Variants in MACROD2 observed in about 807,000 individuals in gnomAD.
MACROD2 encodes the protein ADP-ribose glycohydrolase MACROD2.
In MACROD2, 36 loss-of-function variants were observed where a neutral mutation model predicts 70.4. The observed-to-expected ratio is 0.51, with a 90% confidence interval of 0.39 to 0.68. The LOEUF is 0.68. MACROD2 is among the 30% of genes least tolerant of loss of function. The probability of loss-of-function intolerance (pLI) is 0.00; values close to 1 mark genes in which losing one functional copy is unlikely to be tolerated. For synonymous variants in MACROD2, 172 were observed against 178.8 expected (o/e 0.96, Z 0.30); for missense variants, 496 against 538.4 (o/e 0.92, Z 0.78).
intron 3 of MACROD2, among the ~76,000 whole-genome samples, chr20:14,242,776 A>G (rs910002301): frequency 6.6e-6 from 1 of 152,218 alleles, no homozygotes; most frequent in South Asian, 2.1e-4. Flanking sequence ...GCAAATAAAA[A>G]CAATGTAAAA....
intron 3 of MACROD2, among the ~76,000 whole-genome samples, chr20:14,260,363 T>G (rs2122308805): frequency 6.6e-6 from 1 of 152,312 alleles, no homozygotes; most frequent in Non-Finnish European, 1.5e-5. Context: ...ATAGGATTTC[T>G]CAGTGCAAAA....
At chr20:14,118,308 G>C (rs995293984) in intron 3 of MACROD2, among the ~76,000 whole-genome samples, 1 of 152,104 alleles carries the variant, frequency 6.6e-6, no homozygotes, top group Non-Finnish European at 1.5e-5. Flanking sequence ...CATTAAACAG[G>C]GTATTGTTGG....
At chr20:15,914,199 G>C (rs907578949) in intron 10 of MACROD2, among the ~76,000 whole-genome samples, 2 of 152,182 alleles carry the variant, frequency 1.3e-5, no homozygotes, top group African/African-American at 4.8e-5. Context: ...CCTTTTCCTG[G>C]ACAGAGAATC....
At chr20:14,258,941 T>C (rs893851730) in intron 3 of MACROD2, among the ~76,000 whole-genome samples, 4 of 152,184 alleles carry the variant, frequency 2.6e-5, no homozygotes, top group Non-Finnish European at 5.9e-5. Context: ...AATTAGTTAA[T>C]TTATTAATTT....
At chr20:14,376,613 G>A (rs1256962767) in intron 3 of MACROD2, among the ~76,000 whole-genome samples, 1 of 151,980 alleles carries the variant, frequency 6.6e-6, no homozygotes, top group African/African-American at 2.4e-5. Context: ...AGCCAGGCAT[G>A]GTGGCATGTG....
rs190432117 is a variant in MACROD2, at chr20:15,962,440, G to A, written c.908-5113G>A. 2.1e-3 allele frequency among the ~76,000 whole-genome samples: 323 copies of A among 152,284 alleles called. 2 individuals are homozygous for A. The highest frequency in any genetic ancestry group is 0.016 in the Admixed American group (250 of 15,296). On this transcript the variant is annotated intron_variant, in intron 12 of 17. Coordinates refer to ENST00000684519, the MANE Select transcript of MACROD2 (RefSeq NM_001351661.2). ...TCTAAATTCTGAATCACAACCCTATGACTGCATCTCTCATTTGCTAGTATT... is the reference window on the plus strand; with the variant it reads ...TCTAAATTCTGAATCACAACCCTATAACTGCATCTCTCATTTGCTAGTATT...
At chr20:14,367,764 C>T (rs1303436920) in intron 3 of MACROD2, among the ~76,000 whole-genome samples, 1 of 73,958 alleles carries the variant, frequency 1.4e-5, no homozygotes, top group Non-Finnish European at 3.0e-5. Flanking sequence ...TACAGTTATT[C>T]GTCTTGGAGT....
At chr20:14,953,771 T>C (rs2074495344) in intron 5 of MACROD2, among the ~76,000 whole-genome samples, 1 of 152,170 alleles carries the variant, frequency 6.6e-6, no homozygotes, top group Non-Finnish European at 1.5e-5. Flanking sequence ...GACTTATTGT[T>C]ACTTCTGGTT....
intron 4 of MACROD2, among the ~76,000 whole-genome samples, chr20:14,660,485 A>T (rs1360253310): frequency 6.6e-6 from 1 of 152,198 alleles, no homozygotes; most frequent in African/African-American, 2.4e-5. Flanking sequence ...ATATGACACT[A>T]TGCTAGGCAT....
chr20:15,368,928 G>A (rs1450442860), intron 6 of MACROD2, among the ~76,000 whole-genome samples: 2 of 152,142 alleles, frequency 1.3e-5, no homozygotes, highest in Admixed American at 6.5e-5. Flanking sequence ...TTTTGGTAGC[G>A]GGATACGTCA....
intron 6 of MACROD2, among the ~76,000 whole-genome samples, chr20:15,284,087 T>C (rs902464432): frequency 6.6e-6 from 1 of 152,212 alleles, no homozygotes; most frequent in Non-Finnish European, 1.5e-5. Context: ...TTTCTTTTCC[T>C]TGATATAATA....
intron 5 of MACROD2, among the ~76,000 whole-genome samples, chr20:15,096,829 T>G (rs1326811297): frequency 1.1e-4 from 13 of 116,722 alleles, no homozygotes; most frequent in Non-Finnish European, 8.8e-5. Flanking sequence ...TTTTTTTTTT[T>G]GAGTTGGAGT....
chr20:15,876,963 A>G (rs1357345604), intron 9 of MACROD2, among the ~76,000 whole-genome samples: 1 of 152,106 alleles, frequency 6.6e-6, no homozygotes. Flanking sequence ...ATCCACTGCA[A>G]TAACGTGACT....
chr20:15,292,107 C>A (rs2077545662), intron 6 of MACROD2, among the ~76,000 whole-genome samples: 1 of 152,114 alleles, frequency 6.6e-6, no homozygotes, highest in Non-Finnish European at 1.5e-5. Flanking sequence ...GACTCCTGGG[C>A]TCAAGTGATC....
At chr20:15,831,499 C>G (rs561610022) in intron 8 of MACROD2, among the ~76,000 whole-genome samples, 38 of 152,304 alleles carry the variant, frequency 2.5e-4, no homozygotes, top group African/African-American at 8.7e-4. Flanking sequence ...TGCAGAATGT[C>G]TTTGCTGAGC....
At chr20:15,387,366 CT>C (rs1256324665) in intron 6 of MACROD2, among the ~76,000 whole-genome samples, 3 of 123,046 alleles carry the variant, frequency 2.4e-5, no homozygotes, top group African/African-American at 8.8e-5. Context: ...ATTCCTCTCC[CT>C]TTCTTCCCTC....
At chr20:14,927,767 T>G (rs1489444484) in intron 5 of MACROD2, among the ~76,000 whole-genome samples, 1 of 152,232 alleles carries the variant, frequency 6.6e-6, no homozygotes, top group Non-Finnish European at 1.5e-5. Flanking sequence ...ATGTTACAGG[T>G]GTTTACTCCT....
At chr20:15,200,181 A>C (rs1174479238) in intron 5 of MACROD2, among the ~76,000 whole-genome samples, 2 of 152,234 alleles carry the variant, frequency 1.3e-5, no homozygotes, top group African/African-American at 4.8e-5. Flanking sequence ...TGAAGAAGAA[A>C]AAAACTGGAG....
At chr20:14,233,697 A>C (rs147794648) in intron 3 of MACROD2, among the ~76,000 whole-genome samples, 1 of 39,518 alleles carries the variant, frequency 2.5e-5, no homozygotes, top group African/African-American at 8.0e-5. Flanking sequence ...ACTCCGTCTC[A>C]CAAAAAAAAA....
Sources: gnomAD v4.1 joint callset for allele counts (sites outside exome capture counted in the v4.1 genomes callset) on GRCh38, gnomAD v4.1.1 for gene constraint, MANE v1.5 for transcripts, NCBI Gene and HGNC (gene_info 2026-07-23, HGNC 2026-07-21) for gene names.